The following TG variants were observed in gnomAD, a reference collection of about 807,000 sequenced individuals.
TG encodes thyroglobulin.
TG carries 270 observed loss-of-function variants against 324.7 expected under a neutral mutation model. The ratio of observed to expected loss-of-function variants is 0.83; its 90% confidence interval spans 0.75 to 0.92. The LOEUF (loss-of-function observed/expected upper bound fraction) is 0.92. Ranked by LOEUF, TG falls within the 40% of genes least tolerant of loss-of-function variation. The pLI is 0.00. For synonymous variants in TG, 1,401 were observed against 1,327.0 expected (o/e 1.06, Z -1.21); for missense variants, 3,591 against 3,456.4 (o/e 1.04, Z -0.98).
At chr8:133,066,138 A>G (rs1192662871) in intron 41 of TG, among the ~76,000 whole-genome samples, 2 of 152,088 alleles carry the variant, frequency 1.3e-5, no homozygotes, top group African/African-American at 2.4e-5. Flanking sequence ...CCTGGCTGAC[A>G]TGGTGAAACC....
chr8:133,123,346 G>A (rs900323741), intron 45 of TG, among the ~76,000 whole-genome samples: 3 of 151,936 alleles, frequency 2.0e-5, no homozygotes, highest in African/African-American at 7.3e-5. Context: ...GCTTCTTTGT[G>A]ACAAAGCTGA....
chr8:132,935,610 A>T, intron 24 of TG, 146 bp from the exon 25 acceptor site: 3 of 718,114 alleles, frequency 4.2e-6, no homozygotes, highest in Non-Finnish European at 7.5e-6. Context: ...GTTACTGCTT[A>T]CACATCTGTC....
intron 2 of TG, among the ~76,000 whole-genome samples, chr8:132,868,604 T>C (rs2132026961): frequency 6.6e-6 from 1 of 152,306 alleles, no homozygotes; most frequent in East Asian, 1.9e-4. Context: ...CCAAGTATCC[T>C]CTTGAGAAGC....
intron 43 of TG, among the ~76,000 whole-genome samples, chr8:133,107,985 T>C (rs933641410): frequency 1.6e-4 from 22 of 140,674 alleles, no homozygotes; most frequent in South Asian, 6.7e-4. Flanking sequence ...TTTTCTTCTT[T>C]TTTTTTTTTT....
At chr8:132,959,000 A>G (rs1471031424) in intron 27 of TG, among the ~76,000 whole-genome samples, 1 of 152,228 alleles carries the variant, frequency 6.6e-6, no homozygotes. Context: ...TGTTATAAAT[A>G]ACTTTTACCT....
At chr8:132,952,366 T>G (rs1826231874) in intron 27 of TG, among the ~76,000 whole-genome samples, 1 of 152,150 alleles carries the variant, frequency 6.6e-6, no homozygotes, top group African/African-American at 2.4e-5. Flanking sequence ...TTCAAGACAT[T>G]TGACCACCTT....
At chr8:133,012,988 T>A (rs945817945) in intron 36 of TG, among the ~76,000 whole-genome samples, 1 of 152,126 alleles carries the variant, frequency 6.6e-6, no homozygotes, top group Non-Finnish European at 1.5e-5. Context: ...TGAGGAGGCA[T>A]TGAAGAACAG....
intron 32 of TG, 29 bp from the exon 33 acceptor site, chr8:132,971,765 C>T (rs1344321332): frequency 6.4e-7 from 1 of 1,563,602 alleles, no homozygotes. Flanking sequence ...TGAAAACCTT[C>T]AGGCCTGCTC....
chr8:132,987,546 G>A (rs192732641), intron 35 of TG, among the ~76,000 whole-genome samples: 202 of 152,220 alleles, frequency 1.3e-3, no homozygotes, highest in Non-Finnish European at 2.5e-3. Flanking sequence ...ATAAGGAAAC[G>A]GAAATTAAAT....
At chr8:133,109,133 C>A (rs1646498825) in intron 43 of TG, among the ~76,000 whole-genome samples, 1 of 152,182 alleles carries the variant, frequency 6.6e-6, no homozygotes. Context: ...ACCTTTCAAC[C>A]ATTATCTGTC....
chr8:132,903,795 GACCTTGGGCTGGTCCCCTA>G (rs1818277075), intron 16 of TG, among the ~76,000 whole-genome samples: 1 of 152,178 alleles, frequency 6.6e-6, no homozygotes, highest in African/African-American at 2.4e-5. Flanking sequence ...CTTGCCAGGT[GACCTTGGGCTGGTCCCCTA>G]ACCTCTCTGG....
rs1427439480 is a variant in TG, at chr8:132,923,435, C to T, written c.4626C>T (p.Phe1542=). The T allele has an allele frequency of 1.2e-6, 2 of 1,614,016 alleles. No homozygotes were observed. Among genetic ancestry groups the T allele is most frequent in the Non-Finnish European group, 1.7e-6 (2 of 1,180,052 alleles). The change falls in exon 22 of 48, where the codon TTC becomes TTT. Residue 1542 remains phenylalanine, a synonymous_variant. Transcript: ENST00000220616. ...AGGACAGGGGCAGTGGGAAGGCCTT[C>T]TGTGTGGACGGCGAGGGGCGGAGGC... is the stretch of plus-strand genomic sequence containing the variant. ...SQKDRGSGKA[F]CVDGEGRRLP... is the part of the protein sequence containing the mutation.
At chr8:133,109,938 C>G (rs948708456) in intron 43 of TG, among the ~76,000 whole-genome samples, 1 of 152,252 alleles carries the variant, frequency 6.6e-6, no homozygotes, top group African/African-American at 2.4e-5. Context: ...CTCACTATGA[C>G]CCCCTCATGT....
At chr8:133,075,726 A>G (rs1349028557) in intron 41 of TG, among the ~76,000 whole-genome samples, 1 of 152,140 alleles carries the variant, frequency 6.6e-6, no homozygotes, top group Non-Finnish European at 1.5e-5. Context: ...TCTGCCATAG[A>G]AGTAATGGCA....
intron 47 of TG, among the ~76,000 whole-genome samples, 189 bp downstream of exon 47, chr8:133,133,849 G>A (rs1852140085): frequency 6.6e-6 from 1 of 152,236 alleles, no homozygotes; most frequent in Non-Finnish European, 1.5e-5. Flanking sequence ...CTGTTCTGAT[G>A]TAGGGCTGGA....
intron 22 of TG, among the ~76,000 whole-genome samples, chr8:132,925,325 C>T (rs1316235658): frequency 6.6e-6 from 1 of 152,172 alleles, no homozygotes; most frequent in African/African-American, 2.4e-5. Flanking sequence ...CCTAGATTTA[C>T]CTGCTTCCTC....
At chr8:132,943,384 C>A (rs1824745087) in intron 26 of TG, among the ~76,000 whole-genome samples, 1 of 152,136 alleles carries the variant, frequency 6.6e-6, no homozygotes, top group Non-Finnish European at 1.5e-5. Context: ...TGAGGCCTCA[C>A]CAGCAGTAGA....
At chr8:132,976,105 C>T (rs1830139252) in intron 34 of TG, among the ~76,000 whole-genome samples, 1 of 152,152 alleles carries the variant, frequency 6.6e-6, no homozygotes, top group Non-Finnish European at 1.5e-5. Context: ...TACTAGAACA[C>T]TTATCAGTAA....
chr8:132,930,926 A>T lies in TG; in HGVS notation c.4816+1734A>T, dbSNP rs147759029. On this transcript the variant is annotated intron_variant, in intron 23 of 47. Coordinates refer to ENST00000220616, the MANE Select transcript of TG (RefSeq NM_003235.5). ...GCCATCCTATCAGACAAACGAGAGCAGAGCAATCCAAGACAAGCAGTATTT... is the reference window on the plus strand; with the variant it reads ...GCCATCCTATCAGACAAACGAGAGCTGAGCAATCCAAGACAAGCAGTATTT... Among the ~76,000 whole-genome samples the T allele has an allele frequency of 2.6e-5, 4 of 152,378 alleles. No individual in the cohort carries two copies. The East Asian group carries it at 5.8e-4, about 22-fold the overall frequency.
Sources: allele counts gnomAD v4.1 joint callset (sites outside exome capture counted in the v4.1 genomes callset), GRCh38; gene constraint gnomAD v4.1.1; transcripts MANE v1.5; gene names NCBI Gene and HGNC (gene_info 2026-07-23, HGNC 2026-07-21).